BBS4: variants seen among roughly 807,000 people sequenced by gnomAD.
BBS4 encodes the protein Bardet-Biedl syndrome 4, also known as BBSome complex member BBS4.
In BBS4, 58 loss-of-function variants were observed where a neutral mutation model predicts 71.4. The ratio of observed to expected loss-of-function variants is 0.81; its 90% CI spans 0.66 to 1.01. BBS4 has a LOEUF of 1.01. Among genes scored for constraint, BBS4 ranks in the 50% least tolerant of loss-of-function variants. BBS4 has a pLI of 0.00. For synonymous variants in BBS4, 228 were observed against 216.8 expected (o/e 1.05, Z -0.46); for missense variants, 660 against 607.9 (o/e 1.09, Z -0.90).
chr15:72,687,787 T>C (rs1386480283), intron 1 of BBS4, among the ~76,000 whole-genome samples: 1 of 149,226 alleles, frequency 6.7e-6, no homozygotes, highest in Non-Finnish European at 1.5e-5. Flanking sequence ...AAAAATTAGC[T>C]GGACGTGGTG....
chr15:72,692,547 A>G (rs1218105121), intron 1 of BBS4, among the ~76,000 whole-genome samples: 1 of 151,486 alleles, frequency 6.6e-6, no homozygotes, highest in Non-Finnish European at 1.5e-5. Context: ...TCCTGAACTC[A>G]AGCAATCGGC....
intron 1 of BBS4, among the ~76,000 whole-genome samples, chr15:72,688,046 C>CAAAAAAAAA (rs199931617): frequency 1.2e-5 from 1 of 84,948 alleles, no homozygotes; most frequent in Non-Finnish European, 2.8e-5. Flanking sequence ...GACTCCGTCT[C>CAAAAAAAAA]AAAAAAAAAA....
chr15:72,697,156 C>T (rs1022035188), intron 2 of BBS4, among the ~76,000 whole-genome samples: 6 of 152,188 alleles, frequency 3.9e-5, no homozygotes, highest in Non-Finnish European at 8.8e-5. Flanking sequence ...TGGTCTTGAA[C>T]TCCTGACCTC....
At chr15:72,687,937 A>G (rs2064897048) in intron 1 of BBS4, among the ~76,000 whole-genome samples, 4 of 151,738 alleles carry the variant, frequency 2.6e-5, no homozygotes, top group Admixed American at 2.0e-4. Flanking sequence ...CGTCTCAGAA[A>G]AAAAAAAAAA....
chr15:72,696,936 T>G (rs3850989), intron 2 of BBS4, among the ~76,000 whole-genome samples: 144,164 of 151,950 alleles, frequency 0.95, 68,880 homozygotes, highest in East Asian at 1. Flanking sequence ...AATGTTTGTT[T>G]GTTGGTTTGT....
chr15:72,707,353 T>C (rs2065283687), intron 2 of BBS4, among the ~76,000 whole-genome samples: 1 of 151,658 alleles, frequency 6.6e-6, no homozygotes. Context: ...AATTTTTGTA[T>C]TTTTTTGTAG....
Position 72,731,591 on chromosome 15 carries a change from C to A in BBS4, c.901C>A (p.Pro301Thr). The A allele has an allele frequency of 6.2e-7, 1 of 1,614,162 alleles. No homozygotes were observed. Among genetic ancestry groups the A allele is most frequent in the Non-Finnish European group, 8.5e-7 (1 of 1,180,044 alleles). The change falls in exon 12 of 16, where the codon CCC becomes ACC. Residue 301 changes from proline (P) to threonine (T), a missense_variant. Pro to Thr is a conservative substitution (Grantham distance 38). Transcript: ENST00000268057. ...CCTGAAACGAGCCAACTACTTGGCA[C>A]CCTTTGATTGGAAGATTCTGTATAA... is the stretch of plus-strand genomic sequence containing the variant. ...SCLKRANYLAPFDWKILYNLG... is the reference protein window; with the variant it reads ...SCLKRANYLATFDWKILYNLG...
At chr15:72,737,401 G>A (rs2065946911) in intron 15 of BBS4, 77 bp from the exon 16 acceptor site, 1 of 1,297,622 alleles carries the variant, frequency 7.7e-7, no homozygotes, top group African/African-American at 1.5e-5. Context: ...GTTTCCTCTT[G>A]AACTCTAACA....
At position 72,727,839 on chromosome 15, in the gene BBS4, AGTGGGGTCT is replaced by A. The variant is rs2065731651; in HGVS notation, c.588-98_588-90del. ...TATTTCCACGGGGAGGAAGAGGCTC[AGTGGGGTCT>A]GTCAAGTATTGCACGAGGGCATATT... On this transcript the variant is annotated intron_variant, in intron 8 of 15. Coordinates refer to ENST00000268057, the MANE Select transcript of BBS4 (RefSeq NM_033028.5). 3.4e-5 allele frequency: 30 copies of A among 891,888 alleles called. No individual in the cohort carries two copies. In the South Asian group the frequency reaches 3.9e-4, roughly 12 times the overall value. 55.2% of individuals were successfully genotyped at this position (891,888 alleles called of 1,614,324 possible). A position where few individuals can be genotyped will look rare whatever the true frequency, so the allele number is the denominator to read the frequency against.
intron 3 of BBS4, among the ~76,000 whole-genome samples, chr15:72,711,685 T>C (rs2065374887): frequency 6.6e-6 from 1 of 152,164 alleles, no homozygotes; most frequent in South Asian, 2.1e-4. Flanking sequence ...GCTTGAGAGC[T>C]GTACAAAAAT....
intron 1 of BBS4, among the ~76,000 whole-genome samples, chr15:72,694,791 C>G (rs2065045691): frequency 6.6e-6 from 1 of 152,026 alleles, no homozygotes; most frequent in South Asian, 2.1e-4. Flanking sequence ...TGTAGATGAT[C>G]TCATAAGCTT....
rs2064995218 is a variant in BBS4 at position 72,692,117 on chromosome 15, A to G, written c.25-3060A>G. Among the ~76,000 whole-genome samples, 3 of 152,058 alleles carry G rather than the reference A, an allele frequency of 2.0e-5. No individual in the cohort carries two copies. In the South Asian group the frequency reaches 6.2e-4, roughly 31 times the overall value. On this transcript the variant is annotated intron_variant, in intron 1 of 15. Coordinates refer to ENST00000268057, the MANE Select transcript of BBS4 (RefSeq NM_033028.5). Reference sequence around the variant, plus strand: ...CCTCACTTTAGTCCTAGCCCTGAGCATTATTATGTAGGTCTTCTGATGCAA... The same window carrying G: ...CCTCACTTTAGTCCTAGCCCTGAGCGTTATTATGTAGGTCTTCTGATGCAA...
chr15:72,695,157 G>C lies in BBS4; in HGVS notation c.25-20G>C, dbSNP rs1254333249. On this transcript the variant is annotated intron_variant, in intron 1 of 15. Transcript: ENST00000268057. ...GTTTATATTGTGGTGCTTCAATATA[G>C]ACTACTTATTTCATTTCAGAGAACT... 6.3e-7 allele frequency: 1 copy of C among 1,576,048 alleles called. No individual in the cohort carries two copies.
chr15:72,715,168 G>A, intron 4 of BBS4, 123 bp from the exon 5 acceptor site: 3 of 720,878 alleles, frequency 4.2e-6, no homozygotes, highest in South Asian at 1.5e-5. Flanking sequence ...TAAGGATACA[G>A]TTGTCCAAAG....
chr15:72,724,570 G>A lies in BBS4; in HGVS notation c.502G>A (p.Asp168Asn), dbSNP rs769766779. ...CAATGCCCTGAATCTTAATAGGCACGATCTGACTTATATAATGCTGGGGAA... is the reference window on the plus strand; with the variant it reads ...CAATGCCCTGAATCTTAATAGGCACAATCTGACTTATATAATGCTGGGGAA... ...LHNALNLNRH[D>N]LTYIMLGKIH... Residue 168 changes from aspartate (D) to asparagine (N), a missense_variant, in exon 8 of 16, where the codon GAT becomes AAT. Physicochemically the swap from Asp to Asn is conservative, Grantham distance 23. Coordinates refer to ENST00000268057, the MANE Select transcript of BBS4 (RefSeq NM_033028.5). 4.3e-6 allele frequency: 7 copies of A among 1,614,062 alleles called. No individual in the cohort carries two copies. In the Admixed American group the frequency reaches 5.0e-5, roughly 12 times the overall value.
intron 8 of BBS4, among the ~76,000 whole-genome samples, chr15:72,725,231 A>T (rs908556616): frequency 1.4e-4 from 21 of 145,096 alleles, no homozygotes; most frequent in East Asian, 2.2e-4. Context: ...CAGCTAATTT[A>T]AAAAAAAAAA....
intron 1 of BBS4, among the ~76,000 whole-genome samples, chr15:72,687,597 C>T (rs1375303384): frequency 4.2e-5 from 4 of 94,646 alleles, no homozygotes; most frequent in South Asian, 7.5e-4. Flanking sequence ...GAGACAGACT[C>T]CTTCTCAAAA....
chr15:72,705,289 A>G (rs545653003), intron 2 of BBS4, among the ~76,000 whole-genome samples: 2 of 151,830 alleles, frequency 1.3e-5, no homozygotes, highest in South Asian at 4.1e-4. Flanking sequence ...TATTGGTTGA[A>G]TGAATGAGTC....
intron 1 of BBS4, among the ~76,000 whole-genome samples, chr15:72,691,640 G>T (rs1372854052): frequency 6.6e-6 from 1 of 152,084 alleles, no homozygotes; most frequent in Non-Finnish European, 1.5e-5. Flanking sequence ...ACTAGATGGA[G>T]ATCGGGATTA....
Sources: gnomAD v4.1 joint callset for allele counts (sites outside exome capture counted in the v4.1 genomes callset) on GRCh38, gnomAD v4.1.1 for gene constraint, MANE v1.5 for transcripts, NCBI Gene and HGNC (gene_info 2026-07-23, HGNC 2026-07-21) for gene names.